Variants in GRK6 observed in about 807,000 individuals in gnomAD.
GRK6 encodes G protein-coupled receptor kinase 6.
GRK6 carries 37 observed loss-of-function variants against 80.8 expected under a neutral mutation model. The observed-to-expected ratio is 0.46, with a 90% CI of 0.35 to 0.60. GRK6 has a LOEUF of 0.60. Ranked by LOEUF, GRK6 falls within the 20% of genes least tolerant of loss-of-function variation. The pLI, the probability that GRK6 is intolerant of heterozygous loss-of-function variation, is 0.00. For missense variants in GRK6, 560 were observed against 784.6 expected (o/e 0.71, Z 3.42); for synonymous variants, 295 against 320.9 (o/e 0.92, Z 0.86).
At chr5:177,437,865 G>T (rs370558511) in intron 13 of GRK6, among the ~76,000 whole-genome samples, 3 of 152,234 alleles carry the variant, frequency 2.0e-5, no homozygotes, top group Non-Finnish European at 4.4e-5. Context: ...GGAGAGGCCC[G>T]AAGGATGGGC....
intron 8 of GRK6, 93 bp downstream of exon 8, chr5:177,433,769 C>A: frequency 6.4e-7 from 1 of 1,553,220 alleles, no homozygotes; most frequent in Non-Finnish European, 8.8e-7. Flanking sequence ...TGTGGGATGC[C>A]AGGAAGGGCG....
rs1764557754 is a variant in GRK6 at position 177,442,468 on chromosome 5, G to T, written c.*678G>T. 6.5e-6 allele frequency: 1 copy of T among 153,332 alleles called. No individual in the cohort carries two copies. The allele number at this position is 153,332 out of a possible 1,614,324, so 9.5% of individuals were successfully genotyped here. The stretch of plus-strand genomic sequence containing the variant: ...CAGATAGGTCTGCCTCTGCCTTCCA[G>T]CTCCCACAGCCTGGTCCCTGATACT... On this transcript the variant is annotated 3_prime_UTR_variant, in exon 16 of 16. Transcript: ENST00000355472.
intron 9 of GRK6, 104 bp downstream of exon 9, chr5:177,434,208 G>A: frequency 8.7e-7 from 1 of 1,151,884 alleles, no homozygotes; most frequent in Non-Finnish European, 1.2e-6. Flanking sequence ...CCAGACTACA[G>A]AAGGACATTG....
At chr5:177,436,669 A>C in intron 13 of GRK6, 139 bp downstream of exon 13, 1 of 867,788 alleles carries the variant, frequency 1.2e-6, no homozygotes, top group Non-Finnish European at 1.7e-6. Context: ...AATAAAGATA[A>C]TTCACAAAAA....
chr5:177,433,173 C>G lies in GRK6; in HGVS notation c.467C>G (p.Ala156Gly). ...TRLTHEYLSVAPFADYLDSIY... is the reference protein window; with the variant it reads ...TRLTHEYLSVGPFADYLDSIY... ...CTGACCCACGAGTACCTGAGCGTGG[C>G]CCCTTTTGCCGACTACCTCGACAGC... Residue 156 changes from alanine to glycine, a missense_variant, in exon 6 of 16, where the codon GCC (alanine) becomes GGC (glycine). Around this residue, in one of 3 missense-constraint regions of GRK6, gnomAD observed 189 missense variants for 230.2 expected, o/e 0.82. Transcript: ENST00000355472. 6.2e-7 allele frequency: 1 copy of G among 1,614,080 alleles called. No individual in the cohort carries two copies. Among genetic ancestry groups the G allele is most frequent in the Non-Finnish European group, 8.5e-7 (1 of 1,180,004 alleles).
intron 13 of GRK6, 95 bp downstream of exon 13, chr5:177,436,625 G>A (rs1764172670): frequency 8.1e-7 from 1 of 1,232,538 alleles, no homozygotes; most frequent in Non-Finnish European, 1.1e-6. Flanking sequence ...CAGTGCAAGT[G>A]GCAGAAAAAA....
chr5:177,433,719 GCGCAC>G (rs770904774), intron 8 of GRK6, 43 bp downstream of exon 8: 1 of 1,606,316 alleles, frequency 6.2e-7, no homozygotes, highest in Non-Finnish European at 8.5e-7. Context: ...GGCCACACTG[GCGCAC>G]CGACCGTCCC....
Position 177,442,311 on chromosome 5 carries a change from G to A in GRK6, c.*521G>A, listed in dbSNP as rs921985254. ...CCCTGGGCTCAGGCTGCTACCCTCT[G>A]GGGCCCAAAGCTGTCCCTTCTCAGT... is the stretch of plus-strand genomic sequence containing the variant. On this transcript the variant is annotated 3_prime_UTR_variant, in exon 16 of 16. Transcript: ENST00000355472. 1.8e-5 allele frequency: 3 copies of A among 167,284 alleles called. No homozygotes were observed. Among genetic ancestry groups the A allele is most frequent in the Admixed American group, 5.9e-5 (1 of 16,942 alleles). The allele number at this position is 167,284 out of a possible 1,614,324, so 10.4% of individuals were successfully genotyped here.
chr5:177,440,139 T>C (rs78772218), intron 13 of GRK6: 1 of 153,466 alleles, frequency 6.5e-6, no homozygotes, highest in African/African-American at 2.4e-5. Flanking sequence ...ATGATTTTAA[T>C]TGACATCTTA....
upstream of GRK6, chr5:177,426,496 G>C (rs561206065): frequency 1.3e-5 from 2 of 152,180 alleles, no homozygotes; most frequent in Admixed American, 6.5e-5. Context: ...GAGGTGACGT[G>C]ATTGGTCCCG....
chr5:177,438,178 GA>G (rs1323545445), intron 13 of GRK6, among the ~76,000 whole-genome samples: 2 of 152,142 alleles, frequency 1.3e-5, no homozygotes, highest in Non-Finnish European at 2.9e-5. Context: ...AGACCAGCCT[GA>G]CCAACATGGA....
intron 9 of GRK6, among the ~76,000 whole-genome samples, chr5:177,434,514 C>T (rs969610362): frequency 2.0e-5 from 3 of 152,210 alleles, no homozygotes; most frequent in African/African-American, 7.2e-5. Flanking sequence ...AGAGAGAACC[C>T]TGGCTCTGAT....
chr5:177,441,911 G>T lies in GRK6; in HGVS notation c.*121G>T. On this transcript the variant is annotated 3_prime_UTR_variant, in exon 16 of 16. Transcript: ENST00000355472. ...AGTCGTGGCCTGGGGAACACAGACG[G>T]AGCTGTCCCCAGTGTCCTCCGTCCC... is the stretch of plus-strand genomic sequence containing the variant. The T allele has an allele frequency of 1.1e-6, 1 of 929,406 alleles. No individual in the cohort carries two copies. Among genetic ancestry groups the T allele is most frequent in the South Asian group, 1.5e-5 (1 of 66,500 alleles). The allele number at this position is 929,406 out of a possible 1,614,324, so 57.6% of individuals were successfully genotyped here.
At position 177,435,136 on chromosome 5, in the gene GRK6, C is replaced by T. The variant is rs774893545; in HGVS notation, c.1057+15C>T. ...GGGTTACATGGGTGAGTCTTCTCTG[C>T]CCGGCCCACTAGCCTCCTGGGTTCC... is the stretch of plus-strand genomic sequence containing the variant. On this transcript the variant is annotated intron_variant, in intron 11 of 15. Coordinates refer to ENST00000355472, the MANE Select transcript of GRK6 (RefSeq NM_001004106.3). The T allele has an allele frequency of 6.3e-7, 1 of 1,575,984 alleles. No homozygotes were observed. The highest frequency in any genetic ancestry group is 8.7e-7 in the Non-Finnish European group (1 of 1,153,520).
rs1305722881 is a variant in GRK6 at position 177,428,226 on chromosome 5, G to C, written c.52+1329G>C. ...TCCAACCAGCCAGGGAGGAGGGGTGGGGAGGGCCGAAACAGGCCTTCTTCC... is the reference window on the plus strand; with the variant it reads ...TCCAACCAGCCAGGGAGGAGGGGTGCGGAGGGCCGAAACAGGCCTTCTTCC... On this transcript the variant is annotated intron_variant, in intron 1 of 15. Transcript: ENST00000355472. The surrounding 1 kb of genome is among the most constrained non-coding windows in gnomAD (Gnocchi z 4.1). Among the ~76,000 whole-genome samples, 1 of 152,234 alleles carries C rather than the reference G, an allele frequency of 6.6e-6. No individual in the cohort carries two copies. The highest frequency in any genetic ancestry group is 2.4e-5 in the African/African-American group (1 of 41,470).
In GRK6 at chr5:177,440,974, T is replaced by G; in HGVS notation, c.1598T>G (p.Val533Gly). 6.2e-7 allele frequency: 1 copy of G among 1,613,948 alleles called. No homozygotes were observed. The highest frequency in any genetic ancestry group is 8.5e-7 in the Non-Finnish European group (1 of 1,179,964). The change falls in exon 15 of 16, where the codon GTT becomes GGT. Residue 533 changes from valine to glycine, a missense_variant. Val to Gly is a moderately radical substitution (Grantham distance 109). Coordinates refer to ENST00000355472, the MANE Select transcript of GRK6 (RefSeq NM_001004106.3). Reference protein sequence around the residue: ...ELNVFGLDGSVPPDLDWKGQP... With the variant: ...ELNVFGLDGSGPPDLDWKGQP... The stretch of plus-strand genomic sequence containing the variant: ...AATGTCTTTGGGCTGGATGGCTCAG[T>G]TCCCCCAGACCTGGACTGGAAGGGC...
At chr5:177,431,895 TG>T (rs752657022) in intron 2 of GRK6, 99 bp from the exon 3 acceptor site, 1 of 995,498 alleles carries the variant, frequency 1.0e-6, no homozygotes, top group South Asian at 1.3e-5. Context: ...ACTGCAGAGC[TG>T]GAAGCTGTTG....
Position 177,428,921 on chromosome 5 carries a change from A to G in GRK6, c.53-1951A>G, listed in dbSNP as rs893048887. On this transcript the variant is annotated intron_variant, in intron 1 of 15. Transcript: ENST00000355472. This position sits in a 1 kb window ranked among gnomAD's most constrained non-coding sequence, Gnocchi z 4.1. ...GGCTGGGGCCCCTGACGGCTTCTCA[A>G]GTGATCTGAGGCCCCAGGTGGGGTT... is the stretch of plus-strand genomic sequence containing the variant. Among the ~76,000 whole-genome samples, 2 of 152,094 alleles carry G rather than the reference A, an allele frequency of 1.3e-5. No homozygotes were observed. Among genetic ancestry groups the G allele is most frequent in the Middle Eastern group, 3.2e-3 (1 of 316 alleles).
chr5:177,427,802 G>T (rs2127368846), intron 1 of GRK6, among the ~76,000 whole-genome samples: 1 of 152,322 alleles, frequency 6.6e-6, no homozygotes, highest in African/African-American at 2.4e-5. Flanking sequence ...GAACTCCAGG[G>T]CAAGGAGGGA....
Sources: allele counts gnomAD v4.1 joint callset (sites outside exome capture counted in the v4.1 genomes callset), GRCh38; gene constraint gnomAD v4.1.1; regional missense constraint gnomAD v4.1.1; non-coding constraint Gnocchi (gnomAD v3.1); transcripts MANE v1.5; gene names NCBI Gene and HGNC (gene_info 2026-07-23, HGNC 2026-07-21).